The following MAP2K4 variants were observed in gnomAD, a reference collection of about 807,000 sequenced individuals.
MAP2K4 encodes the protein mitogen-activated protein kinase kinase 4, also known as dual specificity mitogen-activated protein kinase kinase 4.
In MAP2K4, 4 loss-of-function variants were observed where a neutral mutation model predicts 48.5. The ratio of observed to expected loss-of-function variants is 0.08; its 90% CI spans 0.04 to 0.19. The LOEUF (loss-of-function observed/expected upper bound fraction) is 0.19, where lower values mean the gene tolerates loss of function less well. Among genes scored for constraint, MAP2K4 ranks in the 10% least tolerant of loss-of-function variants. The probability of loss-of-function intolerance (pLI) is 1.00; values close to 1 mark genes in which losing one functional copy is unlikely to be tolerated. For synonymous variants in MAP2K4, 166 were observed against 173.1 expected (o/e 0.96, Z 0.32); for missense variants, 258 against 493.3 (o/e 0.52, Z 4.52).
At chr17:12,029,162 T>C (rs1969350852) in intron 1 of MAP2K4, among the ~76,000 whole-genome samples, 1 of 151,966 alleles carries the variant, frequency 6.6e-6, no homozygotes, top group African/African-American at 2.4e-5. Flanking sequence ...ATCTTAAAAT[T>C]GAGGTAAGAG....
chr17:12,039,129 C>A (rs1969696122), intron 1 of MAP2K4, among the ~76,000 whole-genome samples: 1 of 152,176 alleles, frequency 6.6e-6, no homozygotes, highest in South Asian at 2.1e-4. Context: ...CTAAAACTCT[C>A]CTGGCCTAGA....
chr17:12,113,344 G>T lies in MAP2K4; in HGVS notation c.797G>T (p.Cys266Phe). 6.2e-7 allele frequency: 1 copy of T among 1,613,708 alleles called. No homozygotes were observed. The highest frequency in any genetic ancestry group is 2.2e-5 in the East Asian group (1 of 44,868). ...ATTGCCAAGACAAGAGATGCTGGCT[G>T]TAGGCCATACATGGCAGTAAGTGTT... The part of the protein sequence containing the change: ...DSIAKTRDAG[C>F]RPYMAPERID... The change falls in exon 7 of 11, where the codon TGT becomes TTT. Residue 266 changes from cysteine (C) to phenylalanine (F), a missense_variant. By Grantham distance (205) the Cys-to-Phe change is radical (BLOSUM62 -2). Transcript: ENST00000353533.
intron 3 of MAP2K4, among the ~76,000 whole-genome samples, chr17:12,094,897 C>T (rs1971683404): frequency 6.6e-6 from 1 of 152,142 alleles, no homozygotes; most frequent in East Asian, 1.9e-4. Flanking sequence ...AGGTTTTCTT[C>T]CACAGGTTTA....
chr17:12,032,700 A>T (rs776157030), intron 1 of MAP2K4, among the ~76,000 whole-genome samples: 3 of 152,200 alleles, frequency 2.0e-5, no homozygotes, highest in Non-Finnish European at 4.4e-5. Context: ...TAAACCATAC[A>T]TTGAATATAT....
intron 7 of MAP2K4, among the ~76,000 whole-genome samples, chr17:12,117,007 A>G (rs909114650): frequency 1.3e-5 from 2 of 152,288 alleles, no homozygotes; most frequent in Non-Finnish European, 2.9e-5. Flanking sequence ...TTTCAGCTCC[A>G]TTATAACCTT....
chr17:12,048,511 A>C (rs1970034897), intron 1 of MAP2K4, among the ~76,000 whole-genome samples: 1 of 152,110 alleles, frequency 6.6e-6, no homozygotes, highest in South Asian at 2.1e-4. Context: ...CTTTTTAGTA[A>C]TTGCTCACTC....
intron 1 of MAP2K4, among the ~76,000 whole-genome samples, chr17:12,044,521 A>G (rs1301660715): frequency 6.6e-6 from 1 of 152,238 alleles, no homozygotes; most frequent in African/African-American, 2.4e-5. Context: ...AGGAGAAGTC[A>G]GATCTGATTG....
intron 7 of MAP2K4, among the ~76,000 whole-genome samples, chr17:12,118,318 T>C (rs1464403781): frequency 2.0e-5 from 3 of 152,234 alleles, no homozygotes; most frequent in East Asian, 3.9e-4. Context: ...GCAGAAAAAC[T>C]GTGACGGGAT....
At chr17:12,119,520 A>G (rs1308441068) in intron 7 of MAP2K4, among the ~76,000 whole-genome samples, 1 of 152,246 alleles carries the variant, frequency 6.6e-6, no homozygotes, top group Non-Finnish European at 1.5e-5. Context: ...AAAAGGGAAT[A>G]CTTATATACT....
At chr17:12,090,713 CAA>C (rs1406850662) in intron 3 of MAP2K4, among the ~76,000 whole-genome samples, 1 of 152,108 alleles carries the variant, frequency 6.6e-6, no homozygotes, top group Non-Finnish European at 1.5e-5. Flanking sequence ...AACAAACAAA[CAA>C]AAAGTCACCA....
chr17:12,131,234 C>CTTTTTTTTTTTTTTTTTTTTTTTT (rs11307653), intron 9 of MAP2K4, among the ~76,000 whole-genome samples: 2 of 130,920 alleles, frequency 1.5e-5, no homozygotes, highest in Non-Finnish European at 3.3e-5. Context: ...GGTCACATTT[C>CTTTTTTTTTTTTTTTTTTTTTTTT]TTTTTTTTTT....
At chr17:12,123,535 G>C (rs1972759952) in intron 7 of MAP2K4, among the ~76,000 whole-genome samples, 2 of 151,726 alleles carry the variant, frequency 1.3e-5, no homozygotes, top group African/African-American at 4.8e-5. Context: ...TGTTTTACTT[G>C]TCTTCACGTT....
chr17:12,070,082 GA>G (rs1313031957), intron 2 of MAP2K4, among the ~76,000 whole-genome samples: 1 of 150,910 alleles, frequency 6.6e-6, no homozygotes, highest in Non-Finnish European at 1.5e-5. Context: ...GCATTGGGAA[GA>G]AATCAAGATC....
chr17:12,107,705 C>T, intron 4 of MAP2K4, 85 bp from the exon 5 acceptor site: 1 of 1,152,856 alleles, frequency 8.7e-7, no homozygotes, highest in Non-Finnish European at 1.2e-6. Context: ...AATAAGATTG[C>T]TCCTTTCTAT....
chr17:12,090,883 T>A (rs1971540290), intron 3 of MAP2K4, among the ~76,000 whole-genome samples: 1 of 152,240 alleles, frequency 6.6e-6, no homozygotes. Context: ...TTCGTTCCTC[T>A]TGTCCCTTTT....
At chr17:12,048,382 G>GGGAT (rs1280817820) in intron 1 of MAP2K4, among the ~76,000 whole-genome samples, 2 of 152,058 alleles carry the variant, frequency 1.3e-5, no homozygotes, top group African/African-American at 4.8e-5. Flanking sequence ...AGTTGCTGTT[G>GGGAT]GGATATTTAC....
chr17:12,063,391 G>A (rs1412017780), intron 2 of MAP2K4, among the ~76,000 whole-genome samples: 1 of 151,882 alleles, frequency 6.6e-6, no homozygotes, highest in African/African-American at 2.4e-5. Flanking sequence ...AATATTCAGT[G>A]GGAAAAAAAT....
chr17:12,074,689 T>C (rs994216061), intron 2 of MAP2K4, among the ~76,000 whole-genome samples: 3 of 152,162 alleles, frequency 2.0e-5, no homozygotes, highest in Non-Finnish European at 4.4e-5. Context: ...TGTGTAGCTG[T>C]CTCTTATCCT....
intron 5 of MAP2K4, 89 bp from the exon 6 acceptor site, chr17:12,110,286 C>A: frequency 1.2e-6 from 1 of 865,660 alleles, no homozygotes; most frequent in Non-Finnish European, 2.0e-6. Context: ...ATGCAGAGGA[C>A]TACACGGGAT....
Sources: allele counts gnomAD v4.1 joint callset (sites outside exome capture counted in the v4.1 genomes callset), GRCh38; gene constraint gnomAD v4.1.1; transcripts MANE v1.5; gene names NCBI Gene and HGNC (gene_info 2026-07-23, HGNC 2026-07-21).